The following NXPE2 variants were observed in gnomAD, a reference collection of about 807,000 sequenced individuals.
NXPE2 encodes NXPE family member 2.
Under a neutral mutation model 34.4 loss-of-function variants are expected in NXPE2, and 34 were observed. The observed-to-expected ratio is 0.99, with a 90% confidence interval of 0.75 to 1.31. NXPE2 has a LOEUF of 1.31. NXPE2 is among the 40% of genes most tolerant of loss of function. NXPE2 has a pLI of 0.00. For missense variants in NXPE2, 649 were observed against 672.5 expected, an observed-to-expected ratio of 0.97 and a Z score of 0.39; for synonymous variants, 235 against 231.3, an observed-to-expected ratio of 1.02 and a Z score of -0.15.
chr11:114,572,242 C>A, the NXPE2 span, among the ~76,000 whole-genome samples: 2 of 152,202 alleles, frequency 1.3e-5, no homozygotes, highest in East Asian at 3.9e-4. Flanking sequence ...CCAGATCTTC[C>A]CTCTGACATG....
At chr11:114,490,652 C>T in the NXPE2 span, among the ~76,000 whole-genome samples, 2 of 152,208 alleles carry the variant, frequency 1.3e-5, no homozygotes, top group East Asian at 1.9e-4. Context: ...TAGCCATATG[C>T]AGAAAGCTGA....
At chr11:114,632,789 TA>T in the NXPE2 span, among the ~76,000 whole-genome samples, 9 of 1,194 alleles carry the variant, frequency 7.5e-3, no homozygotes, top group Non-Finnish European at 0.013. Flanking sequence ...TTATATATTA[TA>T]TAATTATATA....
At chr11:114,675,072 A>C (rs1311572480), upstream of NXPE2, among the ~76,000 whole-genome samples, 2 of 151,824 alleles carry the variant, frequency 1.3e-5, no homozygotes, top group Admixed American at 1.3e-4. Context: ...CAATAGATAA[A>C]GAAAAAGGAT....
At position 114,698,252 on chromosome 11, in the gene NXPE2, G is replaced by A. The variant is rs772735328; in HGVS notation, c.340G>A (p.Ala114Thr). 18 of 1,613,344 alleles carry A rather than the reference G, an allele frequency of 1.1e-5. No homozygotes were observed. The highest frequency in any genetic ancestry group is 1.4e-5 in the Non-Finnish European group (17 of 1,179,654). The change falls in exon 3 of 6, where the codon GCC becomes ACC. Residue 114 changes from alanine to threonine, a missense_variant. By Grantham distance (58) the Ala-to-Thr change is moderately conservative. Transcript: ENST00000389586. The part of the protein sequence containing the change: ...NTTTSATHST[A>T]TILNPQDTYC... ...CACCACCAGTGCCACACACAGCACA[G>A]CCACCATCCTCAACCCTCAAGATAC...
chr11:114,771,025 G>A, the NXPE2 span, among the ~76,000 whole-genome samples: 1 of 152,074 alleles, frequency 6.6e-6, no homozygotes, highest in African/African-American at 2.4e-5. Context: ...ACCTGGCTCT[G>A]ATATTGTAAG....
At chr11:114,570,860 A>C in the NXPE2 span, 1 of 1,031,950 alleles carries the variant, frequency 9.7e-7, no homozygotes, top group Non-Finnish European at 1.4e-6. Context: ...TTCAGAGCCA[A>C]ACACAGCATC....
chr11:114,799,167 C>A, the NXPE2 span, among the ~76,000 whole-genome samples: 1 of 151,680 alleles, frequency 6.6e-6, no homozygotes, highest in East Asian at 1.9e-4. Flanking sequence ...TTCTTTAATT[C>A]CTATTGATAG....
rs542954101 is a variant in NXPE2 at position 114,696,360 on chromosome 11, G to GAAAGA, written c.133-1672_133-1668dup. Among the ~76,000 whole-genome samples, 815 of 127,956 alleles carry GAAAGA rather than the reference G, an allele frequency of 6.4e-3. 5 individuals carry two copies. The highest frequency in any genetic ancestry group is 0.014 in the Middle Eastern group (3 of 210). The allele number at this position is 127,956 out of a possible 152,430, so 83.9% of individuals were successfully genotyped here. ...AAAACCAAAAAAAAAAAAAAAAAAA[G>GAAAGA]AAAGAAAAGAAAAGAAACCAACCAT... On this transcript the variant is annotated intron_variant, in intron 2 of 5. Coordinates refer to ENST00000389586, the MANE Select transcript of NXPE2 (RefSeq NM_182495.6).
chr11:114,465,789 C>T, the NXPE2 span, among the ~76,000 whole-genome samples: 1 of 152,030 alleles, frequency 6.6e-6, no homozygotes, highest in South Asian at 2.1e-4. Context: ...TATAGCAAGA[C>T]CCTGTCTCTA....
At chr11:114,530,446 C>G in the NXPE2 span, 1 of 1,614,224 alleles carries the variant, frequency 6.2e-7, no homozygotes, top group South Asian at 1.1e-5. Flanking sequence ...GCCGACGCCC[C>G]TTCACTGGGG....
chr11:114,498,797 TGGA>T, the NXPE2 span, among the ~76,000 whole-genome samples: 113 of 152,224 alleles, frequency 7.4e-4, no homozygotes, highest in Middle Eastern at 3.4e-3. Flanking sequence ...AACATGCTAG[TGGA>T]TTAGCATGTT....
At chr11:114,587,674 G>A in the NXPE2 span, among the ~76,000 whole-genome samples, 1 of 152,168 alleles carries the variant, frequency 6.6e-6, no homozygotes, top group Admixed American at 6.5e-5. Context: ...AAAACAGTTG[G>A]GGGGATGCCC....
At chr11:114,552,877 T>A in the NXPE2 span, 1 of 978,536 alleles carries the variant, frequency 1.0e-6, no homozygotes, top group African/African-American at 1.8e-5. Flanking sequence ...TAGCACAGAA[T>A]GCACTGAAAA....
chr11:114,649,545 CAGAA>C, the NXPE2 span, among the ~76,000 whole-genome samples: 1 of 152,204 alleles, frequency 6.6e-6, no homozygotes, highest in African/African-American at 2.4e-5. Flanking sequence ...GCTATAGAGA[CAGAA>C]AGCCCATCAG....
chr11:114,732,484 C>A, the NXPE2 span, among the ~76,000 whole-genome samples: 2 of 152,312 alleles, frequency 1.3e-5, no homozygotes, highest in East Asian at 3.9e-4. Flanking sequence ...CCTACTTGCA[C>A]ATCTCAGATT....
At chr11:114,483,857 G>A in the NXPE2 span, among the ~76,000 whole-genome samples, 11 of 152,214 alleles carry the variant, frequency 7.2e-5, no homozygotes, top group Admixed American at 2.6e-4. Flanking sequence ...GCATCACCTC[G>A]TGGTAGTAGG....
the NXPE2 span, among the ~76,000 whole-genome samples, chr11:114,725,902 T>C: frequency 6.7e-6 from 1 of 149,990 alleles, no homozygotes; most frequent in Non-Finnish European, 1.5e-5. Flanking sequence ...AGTGGCTATC[T>C]TGGCTTATGG....
chr11:114,534,215 GC>G, the NXPE2 span, among the ~76,000 whole-genome samples: 1 of 152,218 alleles, frequency 6.6e-6, no homozygotes, highest in African/African-American at 2.4e-5. Flanking sequence ...CAGACCTGCA[GC>G]TGAGGGTTCT....
the NXPE2 span, among the ~76,000 whole-genome samples, chr11:114,669,591 C>T: frequency 6.6e-6 from 1 of 152,048 alleles, no homozygotes; most frequent in African/African-American, 2.4e-5. Flanking sequence ...GAATACCAAG[C>T]TCCAATTATT....
Sources: gnomAD v4.1 joint callset for allele counts (sites outside exome capture counted in the v4.1 genomes callset) on GRCh38, gnomAD v4.1.1 for gene constraint, MANE v1.5 for transcripts, NCBI Gene and HGNC (gene_info 2026-07-23, HGNC 2026-07-21) for gene names.